The following ABCA13 variants were observed in gnomAD, a reference collection of about 807,000 sequenced individuals.
ABCA13 encodes ATP-binding cassette sub-family A member 13.
ABCA13 carries 476 observed loss-of-function variants against 478.7 expected under a neutral mutation model. The ratio of observed to expected loss-of-function variants is 0.99; its 90% CI spans 0.92 to 1.07. ABCA13 has a LOEUF of 1.07. Ranked by LOEUF, ABCA13 falls within the 50% of genes least tolerant of loss-of-function variation. ABCA13 has a pLI of 0.00. For synonymous variants in ABCA13, 2,252 were observed against 2,158.9 expected (o/e 1.04, Z -1.20); for missense variants, 6,060 against 5,910.6 (o/e 1.03, Z -0.83).
intron 38 of ABCA13, among the ~76,000 whole-genome samples, chr7:48,397,759 A>C (rs1417181165): frequency 6.6e-6 from 1 of 152,212 alleles, no homozygotes; most frequent in Non-Finnish European, 1.5e-5. Flanking sequence ...GAAAAAGCCA[A>C]ATCTCCTTCT....
intron 20 of ABCA13, among the ~76,000 whole-genome samples, chr7:48,292,916 G>A (rs540286088): frequency 6.6e-6 from 1 of 152,276 alleles, no homozygotes; most frequent in African/African-American, 2.4e-5. Flanking sequence ...GCACTTGGCA[G>A]GTGCTCCATA....
chr7:48,437,788 C>A (rs1290700172), intron 42 of ABCA13, among the ~76,000 whole-genome samples: 1 of 152,020 alleles, frequency 6.6e-6, no homozygotes, highest in Non-Finnish European at 1.5e-5. Context: ...TTGAGATCAG[C>A]CTGGGGTAAC....
rs1316205034 is a variant in ABCA13, at chr7:48,542,177, C to T, written c.14354+13832C>T. 3.3e-5 allele frequency among the ~76,000 whole-genome samples: 5 copies of T among 151,406 alleles called. No individual in the cohort carries two copies. In the East Asian group the frequency reaches 9.6e-4, roughly 29 times the overall value. On this transcript the variant is annotated intron_variant, in intron 55 of 61. Transcript: ENST00000435803. ...AAACCAGAAAGAGAATGAGAGGATA[C>T]GTTGGAAGGAAGAGACCTTAACTCT... is the stretch of plus-strand genomic sequence containing the variant.
intron 59 of ABCA13, among the ~76,000 whole-genome samples, chr7:48,638,872 A>G (rs908589596): frequency 1.3e-5 from 2 of 152,344 alleles, no homozygotes; most frequent in African/African-American, 4.8e-5. Flanking sequence ...TAAAGGATAT[A>G]AGAGCATTAA....
At chr7:48,231,459 G>A (rs1025686267) in intron 7 of ABCA13, among the ~76,000 whole-genome samples, 3 of 152,150 alleles carry the variant, frequency 2.0e-5, no homozygotes, top group Non-Finnish European at 2.9e-5. Context: ...ACAGTGGGCA[G>A]TAGCAGGGGG....
chr7:48,520,147 A>T lies in ABCA13; in HGVS notation c.13904A>T (p.Asp4635Val). ...VELCYNQIKY[D>V]LTHNFGIDSY... ...CTCTGCTATAATCAGATCAAATATG[A>T]CCTGACCCACAACTTCGGCATTGAT... The change falls in exon 53 of 62, where the codon GAC becomes GTC. Residue 4635 changes from aspartate to valine, a missense_variant. Asp to Val is a radical substitution (Grantham distance 152). Coordinates refer to ENST00000435803, the MANE Select transcript of ABCA13 (RefSeq NM_152701.5). 7.4e-6 allele frequency: 12 copies of T among 1,613,770 alleles called. No homozygotes were observed. Among genetic ancestry groups the T allele is most frequent in the Non-Finnish European group, 1.0e-5 (12 of 1,179,822 alleles).
intron 8 of ABCA13, among the ~76,000 whole-genome samples, chr7:48,235,678 G>A (rs1789843176): frequency 6.6e-6 from 1 of 152,154 alleles, no homozygotes; most frequent in South Asian, 2.1e-4. Flanking sequence ...CTGTTGTGGG[G>A]GAGGAAAAAT....
At chr7:48,291,179 G>A (rs953741525) in intron 20 of ABCA13, among the ~76,000 whole-genome samples, 2 of 152,136 alleles carry the variant, frequency 1.3e-5, no homozygotes, top group Non-Finnish European at 2.9e-5. Context: ...TGCACATTAG[G>A]GGCAGTGGGT....
At chr7:48,351,463 C>T (rs772975307) in intron 30 of ABCA13, among the ~76,000 whole-genome samples, 66 of 152,190 alleles carry the variant, frequency 4.3e-4, no homozygotes, top group Non-Finnish European at 7.5e-4. Context: ...GTTTTTCCTG[C>T]GGGCTATGAG....
At chr7:48,377,057 T>A (rs1477782891) in intron 35 of ABCA13, among the ~76,000 whole-genome samples, 1 of 152,016 alleles carries the variant, frequency 6.6e-6, no homozygotes, top group African/African-American at 2.4e-5. Context: ...CAGGGTGGGC[T>A]GGGAGTGAGG....
chr7:48,604,106 T>C (rs935931540), intron 58 of ABCA13, among the ~76,000 whole-genome samples: 1 of 152,182 alleles, frequency 6.6e-6, no homozygotes, highest in Admixed American at 6.5e-5. Context: ...ATTGCATCTA[T>C]TTGATTCTTC....
At chr7:48,223,938 G>A (rs529059281) in intron 5 of ABCA13, among the ~76,000 whole-genome samples, 4 of 144,132 alleles carry the variant, frequency 2.8e-5, no homozygotes, top group Non-Finnish European at 6.0e-5. Context: ...CAGCCTGGGT[G>A]ACAGAGCAAG....
Position 48,271,801 on chromosome 7 carries a change from C to A in ABCA13, c.2135C>A (p.Thr712Lys). The part of the protein sequence containing the change: ...TASISRALNF[T>K]KHLLMMEKKL... The stretch of plus-strand genomic sequence containing the variant: ...TAATATTACAGGGCTTTAAATTTCA[C>A]AAAGCACCTTCTAATGATGGAAAAG... The change falls in exon 17 of 62, where the codon ACA (threonine) becomes AAA (lysine). Residue 712 changes from threonine to lysine, a missense_variant. Transcript: ENST00000435803. The A allele has an allele frequency of 3.3e-6, 5 of 1,501,642 alleles. No homozygotes were observed. The highest frequency in any genetic ancestry group is 4.4e-6 in the Non-Finnish European group (5 of 1,124,672). 93.0% of individuals were successfully genotyped at this position (1,501,642 alleles called of 1,614,324 possible). A position where few individuals can be genotyped will look rare whatever the true frequency, so the allele number is the denominator to read the frequency against.
chr7:48,309,790 T>C (rs74705596), intron 23 of ABCA13, among the ~76,000 whole-genome samples, 157 bp from the exon 24 acceptor site: 3,305 of 152,252 alleles, frequency 0.022, 67 homozygotes, highest in Middle Eastern at 0.054. Flanking sequence ...ATGTTGAGAA[T>C]CGAACCCCAG....
intron 43 of ABCA13, among the ~76,000 whole-genome samples, chr7:48,459,153 C>A (rs1322967015): frequency 2.0e-5 from 3 of 152,100 alleles, no homozygotes; most frequent in African/African-American, 7.2e-5. Flanking sequence ...ACAGAGCAGC[C>A]CCAGAGAAAT....
chr7:48,592,078 T>G (rs1228435190), intron 57 of ABCA13, among the ~76,000 whole-genome samples: 1 of 151,934 alleles, frequency 6.6e-6, no homozygotes, highest in Non-Finnish European at 1.5e-5. Context: ...AATATGATGT[T>G]AGTTGTGGGC....
In ABCA13 at chr7:48,587,195, C is replaced by T. The variant is rs527718406; in HGVS notation, c.14547C>T (p.His4849=). The change falls in exon 57 of 62, where the codon CAC becomes CAT. Residue 4849 remains histidine (H), a synonymous_variant. Transcript: ENST00000435803. The part of the protein sequence containing the change: ...DLIRRLHLEA[H]ADKPVATYSG... ...TCAGGCGCTTACACCTCGAAGCCCA[C>T]GCGGACAAACCTGTGGCCACCTACA... 5.6e-6 allele frequency: 9 copies of T among 1,612,958 alleles called. No individual in the cohort carries two copies. Among genetic ancestry groups the T allele is most frequent in the African/African-American group, 2.7e-5 (2 of 74,998 alleles).
chr7:48,507,123 G>A (rs1169172473), intron 49 of ABCA13, among the ~76,000 whole-genome samples: 1 of 152,190 alleles, frequency 6.6e-6, no homozygotes, highest in Non-Finnish European at 1.5e-5. Flanking sequence ...ATGATTTTCA[G>A]GGTTCTAGCT....
chr7:48,374,949 C>T (rs2129032769), intron 34 of ABCA13, among the ~76,000 whole-genome samples: 1 of 152,142 alleles, frequency 6.6e-6, no homozygotes, highest in East Asian at 1.9e-4. Context: ...CTCATAGGAG[C>T]CTGAACGTTA....
Sources: gnomAD v4.1 joint callset for allele counts (sites outside exome capture counted in the v4.1 genomes callset) on GRCh38, gnomAD v4.1.1 for gene constraint, MANE v1.5 for transcripts, NCBI Gene and HGNC (gene_info 2026-07-23, HGNC 2026-07-21) for gene names.